Variants in SEC16A observed in about 807,000 individuals in gnomAD.
SEC16A encodes the protein SEC16 homolog A, endoplasmic reticulum export factor, also known as protein transport protein Sec16A.
Under a neutral mutation model 221.9 loss-of-function variants are expected in SEC16A, and 110 were observed. The ratio of observed to expected loss-of-function variants is 0.50; its 90% CI spans 0.42 to 0.58. The LOEUF (loss-of-function observed/expected upper bound fraction) is 0.58. SEC16A is among the 20% of genes least tolerant of loss of function. SEC16A has a pLI of 0.00. For missense variants in SEC16A, 3,165 were observed against 3,097.8 expected, an observed-to-expected ratio of 1.02 and a Z score of -0.52; for synonymous variants, 1,393 against 1,257.7, an observed-to-expected ratio of 1.11 and a Z score of -2.28.
At chr9:136,446,976 T>A (rs953477939) in intron 27 of SEC16A, 27 bp from the exon 28 acceptor site, 1 of 1,613,292 alleles carries the variant, frequency 6.2e-7, no homozygotes, top group Non-Finnish European at 8.5e-7. Flanking sequence ...GAGGAGGCCA[T>A]CATTCCGTCC....
chr9:136,443,816 C>T lies in SEC16A; in HGVS notation c.7005+7G>A, dbSNP rs779179425. On this transcript the variant is annotated splice_region_variant and intron_variant, in intron 31 of 31. Transcript: ENST00000684901. ...GGGTCTCGTAGGGAAAGGTAGGAGTCACTCACCTGTGCCAGCTGAGCAGGG... is the reference window on the plus strand; with the variant it reads ...GGGTCTCGTAGGGAAAGGTAGGAGTTACTCACCTGTGCCAGCTGAGCAGGG... The T allele has an allele frequency of 4.4e-6, 7 of 1,608,626 alleles. No individual in the cohort carries two copies. The highest frequency in any genetic ancestry group is 3.4e-6 in the Non-Finnish European group (4 of 1,176,768).
chr9:136,453,069 C>CAA (rs372314249), intron 22 of SEC16A, among the ~76,000 whole-genome samples: 13,731 of 64,478 alleles, frequency 0.21, 1,007 homozygotes, highest in Admixed American at 0.35. Flanking sequence ...GAATCTGTCT[C>CAA]AAAAAAAAAA....
At position 136,466,114 on chromosome 9, in the gene SEC16A, T is replaced by C. The variant is rs1238640161; in HGVS notation, c.4151A>G (p.Asn1384Ser). Residue 1384 changes from asparagine to serine, a missense_variant, in exon 8 of 32, where the codon AAT (asparagine) becomes AGT (serine). Physicochemically the swap from Asn to Ser is conservative, Grantham distance 46 (BLOSUM62 1). This residue lies in a region of SEC16A where 2,030 missense variants were observed against 1,923.1 expected (regional missense o/e 1.06). Coordinates refer to ENST00000684901, the MANE Select transcript of SEC16A (RefSeq NM_014866.2). The surrounding 1 kb of genome is among the most constrained non-coding windows in gnomAD (Gnocchi z 5.5). Reference sequence around the variant, plus strand: ...GGCCTCGTAGGAACCGGCAGCCACATTGTGGCTTCTGTAAATCTGACTCTT... The same window carrying C: ...GGCCTCGTAGGAACCGGCAGCCACACTGTGGCTTCTGTAAATCTGACTCTT... Reference protein sequence around the residue: ...SHQSQIYRSHNVAAGSYEAPL... With the variant: ...SHQSQIYRSHSVAAGSYEAPL... 3.1e-6 allele frequency: 5 copies of C among 1,601,962 alleles called. No individual in the cohort carries two copies. Among genetic ancestry groups the C allele is most frequent in the Non-Finnish European group, 4.3e-6 (5 of 1,173,146 alleles).
upstream of SEC16A, chr9:136,484,127 C>A (rs895306756): frequency 1.8e-5 from 3 of 169,092 alleles, no homozygotes; most frequent in African/African-American, 7.2e-5. Flanking sequence ...CTCCCAGGCC[C>A]ACCCTGGCCC....
At chr9:136,462,761 A>G in intron 12 of SEC16A, 126 bp downstream of exon 12, 1 of 1,054,936 alleles carries the variant, frequency 9.5e-7, no homozygotes, top group South Asian at 1.6e-5. Flanking sequence ...CAAGACCCGA[A>G]GCCCCACACT....
rs564351781 is a variant in SEC16A at position 136,466,999 on chromosome 9, T to G, written c.3887A>C (p.Glu1296Ala). The part of the protein sequence containing the change: ...TYDRRYWCDA[E>A]YDAYRREHSA... Reference sequence around the variant, plus strand: ...GTGCTCTCTCCTGTATGCGTCATACTCTGCATCACACCAATACCTCCGGTC... The same window carrying G: ...GTGCTCTCTCCTGTATGCGTCATACGCTGCATCACACCAATACCTCCGGTC... Residue 1296 changes from glutamate (E) to alanine (A), a missense_variant, in exon 6 of 32, where the codon GAG (glutamate) becomes GCG (alanine). By Grantham distance (107) the Glu-to-Ala change is moderately radical. Transcript: ENST00000684901. This position sits in a 1 kb window ranked among gnomAD's most constrained non-coding sequence, Gnocchi z 5.5. The G allele has an allele frequency of 5.6e-6, 9 of 1,613,900 alleles. No individual in the cohort carries two copies. Among genetic ancestry groups the G allele is most frequent in the African/African-American group, 5.3e-5 (4 of 75,058 alleles).
In SEC16A at chr9:136,474,238, G is replaced by A; in HGVS notation, c.3378C>T (p.Ser1126=). The A allele has an allele frequency of 1.9e-6, 3 of 1,609,782 alleles. No individual in the cohort carries two copies. Among genetic ancestry groups the A allele is most frequent in the Non-Finnish European group, 2.5e-6 (3 of 1,178,308 alleles). The change falls in exon 3 of 32, where the codon TCC becomes TCT. Residue 1126 remains serine (S), a synonymous_variant. Coordinates refer to ENST00000684901, the MANE Select transcript of SEC16A (RefSeq NM_014866.2). ...PPQSSSVSLV[S]SGSGQAAVPS... is the part of the protein sequence containing the mutation. Reference sequence around the variant, plus strand: ...GCACAGCTGCCTGGCCGGAGCCACTGGACACCAGAGACACGCTAGAGGACT... The same window carrying A: ...GCACAGCTGCCTGGCCGGAGCCACTAGACACCAGAGACACGCTAGAGGACT...
rs1401487835 is a variant in SEC16A at position 136,463,671 on chromosome 9, G to A, written c.4508+8C>T. The A allele has an allele frequency of 1.2e-6, 2 of 1,613,410 alleles. No homozygotes were observed. Among genetic ancestry groups the A allele is most frequent in the Non-Finnish European group, 8.5e-7 (1 of 1,179,666 alleles). On this transcript the variant is annotated splice_region_variant and intron_variant, in intron 10 of 31. Coordinates refer to ENST00000684901, the MANE Select transcript of SEC16A (RefSeq NM_014866.2). ...GCTCACAAAGAAATGCCTCAACAAGGAACATACTTGGCCAGGGGTCCCGGG... is the reference window on the plus strand; with the variant it reads ...GCTCACAAAGAAATGCCTCAACAAGAAACATACTTGGCCAGGGGTCCCGGG...
chr9:136,481,950 C>T (rs898273897), intron 1 of SEC16A, among the ~76,000 whole-genome samples: 3 of 152,124 alleles, frequency 2.0e-5, no homozygotes, highest in Non-Finnish European at 4.4e-5. Context: ...TTAACATTTA[C>T]CCACTACCAT....
upstream of SEC16A, chr9:136,483,354 T>G (rs2133243868): frequency 4.3e-5 from 14 of 325,794 alleles, no homozygotes; most frequent in South Asian, 2.7e-4. Context: ...TCTTCCGTCG[T>G]TCCTCGCCTC....
At chr9:136,479,552 C>A (rs1201715600) in intron 1 of SEC16A, among the ~76,000 whole-genome samples, 3 of 152,128 alleles carry the variant, frequency 2.0e-5, no homozygotes, top group African/African-American at 7.2e-5. Context: ...TGGGGTTTCA[C>A]CATGTTAGCC....
At position 136,457,625 on chromosome 9, in the gene SEC16A, G is replaced by A. The variant is rs376696976; in HGVS notation, c.5410-41C>T. 521 of 1,587,108 alleles carry A rather than the reference G, an allele frequency of 3.3e-4. 4 individuals are homozygous for A. Among genetic ancestry groups the A allele is most frequent in the South Asian group, 3.1e-3 (272 of 87,762 alleles). On this transcript the variant is annotated intron_variant, in intron 17 of 31. Coordinates refer to ENST00000684901, the MANE Select transcript of SEC16A (RefSeq NM_014866.2). Reference sequence around the variant, plus strand: ...CCTTGCTGCCCTGCGGCTCCCCCGCGTCCGAGCATCGCCGATGGACAAAGC... The same window carrying A: ...CCTTGCTGCCCTGCGGCTCCCCCGCATCCGAGCATCGCCGATGGACAAAGC...
rs370464727 is a variant in SEC16A at position 136,454,341 on chromosome 9, G to A, written c.5858-14C>T. 4.5e-5 allele frequency: 70 copies of A among 1,560,126 alleles called. 1 individual carries two copies. The African/African-American group carries it at 8.3e-4, about 18-fold the overall frequency. ...GCGTCTGCGGAGCTGCATGGGAACGGTGGAGAAGAGGTCTGGGGTTACTGA... is the reference window on the plus strand; with the variant it reads ...GCGTCTGCGGAGCTGCATGGGAACGATGGAGAAGAGGTCTGGGGTTACTGA... On this transcript the variant is annotated splice_polypyrimidine_tract_variant and intron_variant, in intron 20 of 31. Coordinates refer to ENST00000684901, the MANE Select transcript of SEC16A (RefSeq NM_014866.2).
chr9:136,454,736 G>A (rs1475704126), intron 20 of SEC16A, among the ~76,000 whole-genome samples: 1 of 152,240 alleles, frequency 6.6e-6, no homozygotes, highest in Non-Finnish European at 1.5e-5. Flanking sequence ...CTGCCTACCA[G>A]CACCATGCTG....
chr9:136,478,006 A>G (rs56104319), intron 2 of SEC16A, among the ~76,000 whole-genome samples: 1,602 of 152,338 alleles, frequency 0.011, 22 homozygotes, highest in African/African-American at 0.036. Context: ...CAACAGGGAC[A>G]GTGCGGAACC....
chr9:136,461,832 C>T (rs148916812), intron 12 of SEC16A, among the ~76,000 whole-genome samples: 1,636 of 152,194 alleles, frequency 0.011, 23 homozygotes, highest in African/African-American at 0.036. Flanking sequence ...TCAGGCCGGG[C>T]GCGGTGGCTC....
intron 4 of SEC16A, among the ~76,000 whole-genome samples, chr9:136,469,962 A>G (rs1840645011): frequency 6.6e-6 from 1 of 152,214 alleles, no homozygotes; most frequent in African/African-American, 2.4e-5. Context: ...GGGGTTTCCA[A>G]GGAGCCGCCG....
chr9:136,460,392 T>C (rs765723696), intron 13 of SEC16A, among the ~76,000 whole-genome samples: 26 of 152,030 alleles, frequency 1.7e-4, no homozygotes, highest in Non-Finnish European at 3.5e-4. Flanking sequence ...GAGGCAGAGG[T>C]TGCAGTGAGC....
At position 136,466,993 on chromosome 9, in the gene SEC16A, T is replaced by A; in HGVS notation, c.3893A>T (p.Asp1298Val). 2 of 1,613,798 alleles carry A rather than the reference T, an allele frequency of 1.2e-6. No individual in the cohort carries two copies. Among genetic ancestry groups the A allele is most frequent in the Middle Eastern group, 3.3e-4 (2 of 6,060 alleles). Reference protein sequence around the residue: ...DRRYWCDAEYDAYRREHSAFG... With the variant: ...DRRYWCDAEYVAYRREHSAFG... ...GGCAGAGTGCTCTCTCCTGTATGCGTCATACTCTGCATCACACCAATACCT... is the reference window on the plus strand; with the variant it reads ...GGCAGAGTGCTCTCTCCTGTATGCGACATACTCTGCATCACACCAATACCT... The change falls in exon 6 of 32, where the codon GAC becomes GTC. Residue 1298 changes from aspartate (D) to valine (V), a missense_variant. Physicochemically the swap from Asp to Val is radical, Grantham distance 152. Coordinates refer to ENST00000684901, the MANE Select transcript of SEC16A (RefSeq NM_014866.2). The surrounding 1 kb of genome is among the most constrained non-coding windows in gnomAD (Gnocchi z 5.5).
Sources: gnomAD v4.1 joint callset for allele counts (sites outside exome capture counted in the v4.1 genomes callset) on GRCh38, gnomAD v4.1.1 for gene constraint, gnomAD v4.1.1 regional missense constraint, Gnocchi (gnomAD v3.1) non-coding constraint, MANE v1.5 for transcripts, NCBI Gene and HGNC (gene_info 2026-07-23, HGNC 2026-07-21) for gene names.